Variants in SYT14 observed in about 807,000 individuals in gnomAD.
SYT14 encodes synaptotagmin 14, also known as synaptotagmin-14.
A neutral mutation model predicts 74.2 loss-of-function variants in SYT14; 32 were observed. The ratio of observed to expected loss-of-function variants is 0.43; its 90% CI spans 0.33 to 0.58. The LOEUF (loss-of-function observed/expected upper bound fraction) is 0.58. SYT14 is among the 20% of genes least tolerant of loss of function. The pLI is 0.05. For missense variants in SYT14, 791 were observed against 981.8 expected, an observed-to-expected ratio of 0.81 and a Z score of 2.60; for synonymous variants, 298 against 337.7, an observed-to-expected ratio of 0.88 and a Z score of 1.29.
chr1:210,145,823 C>G (rs946390448), intron 7 of SYT14, among the ~76,000 whole-genome samples: 40 of 152,184 alleles, frequency 2.6e-4, no homozygotes, highest in African/African-American at 9.7e-4. Flanking sequence ...GGACCAACTT[C>G]AGGTATCTCC....
At chr1:210,155,756 G>T (rs61743985) in exon 8 of SYT14, 1 of 1,613,920 alleles carries the variant, frequency 6.2e-7, no homozygotes, top group Non-Finnish European at 8.5e-7. Context: ...CAGAAATGTC[G>T]TGTAGTGAAA....
intron 2 of SYT14, among the ~76,000 whole-genome samples, chr1:209,957,840 T>A (rs533288122): frequency 2.0e-5 from 3 of 152,292 alleles, no homozygotes; most frequent in African/African-American, 4.8e-5. Context: ...TTTTTTCAGA[T>A]ACTCAGAAAT....
intron 5 of SYT14, among the ~76,000 whole-genome samples, chr1:210,071,872 CTT>C (rs991247295): frequency 3.0e-4 from 45 of 151,918 alleles, no homozygotes; most frequent in Non-Finnish European, 5.3e-4. Flanking sequence ...CAAATGACCT[CTT>C]TTGAAATTTT....
At chr1:210,077,134 G>A (rs1055452892) in intron 5 of SYT14, among the ~76,000 whole-genome samples, 1 of 151,788 alleles carries the variant, frequency 6.6e-6, no homozygotes, top group Non-Finnish European at 1.5e-5. Context: ...TAAGCATGAT[G>A]CCAGCATCTT....
intron 2 of SYT14, among the ~76,000 whole-genome samples, chr1:209,981,628 T>G (rs964472457): frequency 2.6e-5 from 4 of 151,932 alleles, no homozygotes; most frequent in African/African-American, 9.7e-5. Flanking sequence ...TTTTTAATTT[T>G]TAGTTTTTGG....
At chr1:210,058,894 C>T (rs1244736262) in intron 5 of SYT14, among the ~76,000 whole-genome samples, 2 of 152,084 alleles carry the variant, frequency 1.3e-5, no homozygotes, top group African/African-American at 4.8e-5. Context: ...CACTTTGTCT[C>T]CCACTCAAAA....
intron 2 of SYT14, among the ~76,000 whole-genome samples, chr1:209,981,450 C>CTTTTTTTTTTTTTTTTTTTTTTTTTTT (rs1183885685): frequency 1.3e-4 from 13 of 99,050 alleles, no homozygotes; most frequent in Non-Finnish European, 1.7e-4. Flanking sequence ...TTTTTCTTTT[C>CTTTTTTTTTTTTTTTTTTTTTTTTTTT]TTTTTTTTTT....
At chr1:210,061,799 A>G (rs749430615) in intron 5 of SYT14, among the ~76,000 whole-genome samples, 55 of 151,882 alleles carry the variant, frequency 3.6e-4, no homozygotes, top group Non-Finnish European at 4.7e-4. Context: ...TTGATTTTGT[A>G]ATTTTATGTA....
chr1:209,963,423 T>A (rs1381393414), intron 2 of SYT14, among the ~76,000 whole-genome samples: 2 of 152,178 alleles, frequency 1.3e-5, no homozygotes, highest in Admixed American at 1.3e-4. Context: ...GGAAATTTTC[T>A]TGTTTTATCA....
chr1:210,083,711 A>G (rs533310792), intron 5 of SYT14, among the ~76,000 whole-genome samples: 2 of 152,068 alleles, frequency 1.3e-5, no homozygotes, highest in South Asian at 4.2e-4. Context: ...CTGGGACCAT[A>G]GACACACGTC....
At position 210,043,249 on chromosome 1, in the gene SYT14, C is replaced by T. The variant is rs182876152; in HGVS notation, c.1312+21995C>T. ...AGCATGAAGCTACATGTGGTGTGTA[C>T]AGAAATGATACCTTTCCATTAAAGG... On this transcript the variant is annotated intron_variant, in intron 5 of 9. Transcript: ENST00000637265. Among the ~76,000 whole-genome samples the T allele has an allele frequency of 2.6e-4, 40 of 152,136 alleles. No homozygotes were observed. The East Asian group carries it at 6.0e-3, about 23-fold the overall frequency.
At chr1:210,072,877 T>G (rs1375641003) in intron 5 of SYT14, among the ~76,000 whole-genome samples, 1 of 151,900 alleles carries the variant, frequency 6.6e-6, no homozygotes, top group Non-Finnish European at 1.5e-5. Context: ...AAATTTAAAT[T>G]AGCAAAACAG....
In SYT14 at chr1:210,109,385, C is replaced by G. The variant is rs943450171; in HGVS notation, c.2034+8924C>G. 2.0e-5 allele frequency among the ~76,000 whole-genome samples: 3 copies of G among 152,002 alleles called. No homozygotes were observed. In the South Asian group the frequency reaches 6.2e-4, roughly 32 times the overall value. On this transcript the variant is annotated intron_variant, in intron 7 of 9. Coordinates refer to ENST00000637265, the Ensembl canonical transcript of SYT14. ...ACAAGGTCAGGAGGTTGAAACCATC[C>G]TGGCCAACATGGTGAAATCCCGTCG...
intron 2 of SYT14, among the ~76,000 whole-genome samples, chr1:210,002,661 T>C (rs1390152282): frequency 6.6e-6 from 1 of 152,148 alleles, no homozygotes; most frequent in African/African-American, 2.4e-5. Flanking sequence ...GATACTGCAT[T>C]ATGATGTAAT....
exon 7 of SYT14, chr1:210,100,244 T>C: frequency 2.5e-6 from 4 of 1,614,090 alleles, no homozygotes; most frequent in Non-Finnish European, 3.4e-6. Flanking sequence ...AAAACCAGCA[T>C]CCAGAGAGGA....
intron 5 of SYT14, among the ~76,000 whole-genome samples, chr1:210,048,988 C>T (rs1048776440): frequency 3.9e-5 from 6 of 152,232 alleles, no homozygotes; most frequent in Non-Finnish European, 7.3e-5. Flanking sequence ...AAATTATCTC[C>T]TTTGACTCCA....
intron 5 of SYT14, among the ~76,000 whole-genome samples, chr1:210,083,951 C>G (rs2081667400): frequency 6.6e-6 from 1 of 152,196 alleles, no homozygotes; most frequent in African/African-American, 2.4e-5. Context: ...GCAATCCTCC[C>G]ACCTTGGCCT....
chr1:210,072,312 T>C (rs1359881963), intron 5 of SYT14, among the ~76,000 whole-genome samples: 1 of 151,910 alleles, frequency 6.6e-6, no homozygotes, highest in Non-Finnish European at 1.5e-5. Flanking sequence ...AAAGATACTT[T>C]GGAACTCAGA....
chr1:210,067,734 A>G (rs1243486656), intron 5 of SYT14, among the ~76,000 whole-genome samples: 1 of 151,862 alleles, frequency 6.6e-6, no homozygotes, highest in Non-Finnish European at 1.5e-5. Flanking sequence ...CATTTTTGGC[A>G]ATCTGATAGG....
Sources: allele counts gnomAD v4.1 joint callset (sites outside exome capture counted in the v4.1 genomes callset), GRCh38; gene constraint gnomAD v4.1.1; transcripts MANE v1.5; gene names NCBI Gene and HGNC (gene_info 2026-07-23, HGNC 2026-07-21).